The following MTOR variants were observed in gnomAD, a reference collection of about 807,000 sequenced individuals.
MTOR encodes serine/threonine-protein kinase mTOR.
In MTOR, 70 loss-of-function variants were observed where a neutral mutation model predicts 319.8. That is an observed-to-expected ratio of 0.22 (90% CI 0.18 to 0.27). The LOEUF (loss-of-function observed/expected upper bound fraction) is 0.27. Ranked by LOEUF, MTOR falls within the 10% of genes least tolerant of loss-of-function variation. The pLI is 1.00. For missense variants in MTOR, 1,890 were observed against 3,274.4 expected (o/e 0.58, Z 10.32); for synonymous variants, 1,183 against 1,211.4 (o/e 0.98, Z 0.49).
chr1:11,177,105 G>A (rs1645017112), intron 28 of MTOR, among the ~76,000 whole-genome samples: 2 of 152,124 alleles, frequency 1.3e-5, no homozygotes, highest in African/African-American at 4.8e-5. Context: ...GGCAGGGCTG[G>A]AACTTAGGAA....
chr1:11,250,712 T>C (rs1649561642), intron 6 of MTOR, among the ~76,000 whole-genome samples: 1 of 152,128 alleles, frequency 6.6e-6, no homozygotes, highest in African/African-American at 2.4e-5. Flanking sequence ...CCCAGAACTA[T>C]TCAGTATCCT....
At chr1:11,136,890 G>A (rs145166077) in intron 36 of MTOR, among the ~76,000 whole-genome samples, 3,940 of 149,618 alleles carry the variant, frequency 0.026, 71 homozygotes, top group Non-Finnish European at 0.041. Flanking sequence ...CACCCAGGAT[G>A]GAGTGCAGTG....
At chr1:11,185,884 A>G (rs1426693938) in intron 28 of MTOR, among the ~76,000 whole-genome samples, 2 of 152,026 alleles carry the variant, frequency 1.3e-5, no homozygotes, top group Non-Finnish European at 2.9e-5. Context: ...GATCGAGACC[A>G]TCCTGGCTAA....
At chr1:11,182,907 G>A (rs1289760520) in intron 28 of MTOR, among the ~76,000 whole-genome samples, 1 of 152,164 alleles carries the variant, frequency 6.6e-6, no homozygotes, top group Non-Finnish European at 1.5e-5. Context: ...TGGCTATTAC[G>A]AGGGGTAGTA....
chr1:11,240,992 A>G (rs1263033860), intron 10 of MTOR, among the ~76,000 whole-genome samples: 1 of 152,008 alleles, frequency 6.6e-6, no homozygotes, highest in Non-Finnish European at 1.5e-5. Context: ...AACCCTAGGC[A>G]ATAAGAATTA....
intron 9 of MTOR, among the ~76,000 whole-genome samples, chr1:11,242,345 C>T (rs1477893562): frequency 6.6e-6 from 1 of 151,814 alleles, no homozygotes; most frequent in Non-Finnish European, 1.5e-5. Context: ...CAAAAAAATA[C>T]AATTATTAGC....
At chr1:11,195,854 A>C (rs2100731529) in intron 28 of MTOR, 1 of 152,470 alleles carries the variant, frequency 6.6e-6, no homozygotes, top group Middle Eastern at 3.4e-3. Context: ...AACTGAAGGT[A>C]GATGGTGTTA....
rs192413137 is a variant in MTOR, at chr1:11,231,189, A to T, written c.2649+111T>A. Reference sequence around the variant, plus strand: ...ACCAGCTACATGAACAAAATTGGAGAGGGACAGGAAGTCTGACTGACACTG... The same window carrying T: ...ACCAGCTACATGAACAAAATTGGAGTGGGACAGGAAGTCTGACTGACACTG... On this transcript the variant is annotated intron_variant, in intron 17 of 57. Transcript: ENST00000361445. 36 of 1,580,012 alleles carry T rather than the reference A, an allele frequency of 2.3e-5. No individual in the cohort carries two copies. In the Admixed American group the frequency reaches 5.8e-4, roughly 25 times the overall value.
rs138675749 is a variant in MTOR at position 11,189,417 on chromosome 1, G to C, written c.4253+9841C>G. ...CCCCTGTCAGAGACTCAAGCTTTGA[G>C]AAAGGCTAGCAAAGAGCAAGGAAAG... On this transcript the variant is annotated intron_variant, in intron 28 of 57. Coordinates refer to ENST00000361445, the MANE Select transcript of MTOR (RefSeq NM_004958.4). 3.6e-4 allele frequency: 326 copies of C among 898,432 alleles called. 2 individuals are homozygous for C. The African/African-American group carries it at 5.1e-3, about 14-fold the overall frequency. 55.7% of individuals were successfully genotyped at this position (898,432 alleles called of 1,614,324 possible).
chr1:11,145,222 C>A (rs1643893187), intron 32 of MTOR, 177 bp from the exon 33 acceptor site: 1 of 606,514 alleles, frequency 1.6e-6, no homozygotes, highest in East Asian at 2.8e-5. Flanking sequence ...GAGGTATTAT[C>A]CAATTTCTCA....
rs1034045159 is a variant in MTOR, at chr1:11,107,634, C to A, written c.7635-134G>T. The stretch of plus-strand genomic sequence containing the variant: ...CCCTGAGCTCTCCCACAGCTAATTG[C>A]ATGGGACACACTCATCATTTCCAGT... On this transcript the variant is annotated intron_variant, in intron 57 of 57. Transcript: ENST00000361445. 15 of 889,442 alleles carry A rather than the reference C, an allele frequency of 1.7e-5. No individual in the cohort carries two copies. In the African/African-American group the frequency reaches 2.4e-4, roughly 14 times the overall value. The allele number at this position is 889,442 out of a possible 1,614,324, so 55.1% of individuals were successfully genotyped here.
At chr1:11,188,737 T>C (rs943656785) in intron 28 of MTOR, among the ~76,000 whole-genome samples, 2 of 152,208 alleles carry the variant, frequency 1.3e-5, no homozygotes, top group African/African-American at 4.8e-5. Context: ...CTACAAAGTC[T>C]TTTTTTGGCT....
rs17848550 is a variant in MTOR at position 11,133,033 on chromosome 1, G to A, written c.5364+47C>T. 16 of 1,538,952 alleles carry A rather than the reference G, an allele frequency of 1.0e-5. No homozygotes were observed. The highest frequency in any genetic ancestry group is 4.5e-5 in the East Asian group (2 of 44,512). The stretch of plus-strand genomic sequence containing the variant: ...TAACCACGAGCACACAGGAGGACAC[G>A]AGCCAGCCAGGGTGCTGGGTCTCAC... On this transcript the variant is annotated intron_variant, in intron 38 of 57. Coordinates refer to ENST00000361445, the MANE Select transcript of MTOR (RefSeq NM_004958.4). This position sits in a 1 kb window ranked among gnomAD's most constrained non-coding sequence, Gnocchi z 4.0.
At chr1:11,141,368 C>T (rs1254194414) in intron 34 of MTOR, among the ~76,000 whole-genome samples, 1 of 151,994 alleles carries the variant, frequency 6.6e-6, no homozygotes, top group Non-Finnish European at 1.5e-5. Flanking sequence ...CTGCCTCAGC[C>T]TCCCAATGTG....
chr1:11,114,696 G>T, intron 52 of MTOR, 117 bp downstream of exon 52: 1 of 1,142,942 alleles, frequency 8.7e-7, no homozygotes, highest in Non-Finnish European at 1.3e-6. Flanking sequence ...ACAGAAAACT[G>T]CTACAAAAAT....
intron 26 of MTOR, among the ~76,000 whole-genome samples, chr1:11,202,741 TC>T (rs963862734): frequency 4.0e-5 from 6 of 151,706 alleles, no homozygotes; most frequent in African/African-American, 1.5e-4. Flanking sequence ...TAGTGAGACC[TC>T]GTCTCTACAA....
chr1:11,218,886 A>T, intron 19 of MTOR, among the ~76,000 whole-genome samples: 1 of 152,180 alleles, frequency 6.6e-6, no homozygotes, highest in Non-Finnish European at 1.5e-5. Flanking sequence ...AATTAAGTAC[A>T]AAAATATAAA....
At chr1:11,125,355 G>A (rs1642770672) in intron 46 of MTOR, among the ~76,000 whole-genome samples, 1 of 152,190 alleles carries the variant, frequency 6.6e-6, no homozygotes, top group Non-Finnish European at 1.5e-5. Context: ...AACAGCTCAT[G>A]CAGAGATAAT....
At chr1:11,251,139 C>A (rs773776872) in intron 6 of MTOR, among the ~76,000 whole-genome samples, 2 of 139,440 alleles carry the variant, frequency 1.4e-5, no homozygotes, top group African/African-American at 5.0e-5. Flanking sequence ...CCGCTTCCCA[C>A]ACAAAGGCCC....
Sources: gnomAD v4.1 joint callset for allele counts (sites outside exome capture counted in the v4.1 genomes callset) on GRCh38, gnomAD v4.1.1 for gene constraint, Gnocchi (gnomAD v3.1) non-coding constraint, MANE v1.5 for transcripts, NCBI Gene and HGNC (gene_info 2026-07-23, HGNC 2026-07-21) for gene names.